KCNK10: variants seen among roughly 807,000 people sequenced by gnomAD.
The protein encoded by KCNK10 is potassium two pore domain channel subfamily K member 10.
In KCNK10, 25 loss-of-function variants were observed where a neutral mutation model predicts 47.7. The observed-to-expected ratio is 0.52, with a 90% CI of 0.38 to 0.73. KCNK10 has a LOEUF of 0.73. KCNK10 is among the 30% of genes least tolerant of loss of function. The probability of loss-of-function intolerance (pLI) is 0.00; values close to 1 mark genes in which losing one functional copy is unlikely to be tolerated. For missense variants in KCNK10, 563 were observed against 714.5 expected, an observed-to-expected ratio of 0.79 and a Z score of 2.42; for synonymous variants, 303 against 285.6, an observed-to-expected ratio of 1.06 and a Z score of -0.61.
intron 2 of KCNK10, among the ~76,000 whole-genome samples, chr14:88,245,243 T>C (rs1886597195): frequency 6.6e-6 from 1 of 152,172 alleles, no homozygotes; most frequent in Non-Finnish European, 1.5e-5. Context: ...ATAATAATGA[T>C]TTGTTTCTTT....
At chr14:88,239,403 T>C (rs1595098414) in intron 3 of KCNK10, among the ~76,000 whole-genome samples, 1 of 152,142 alleles carries the variant, frequency 6.6e-6, no homozygotes, top group Non-Finnish European at 1.5e-5. Flanking sequence ...GCAAATCATA[T>C]AAGAGAAACA....
intron 1 of KCNK10, among the ~76,000 whole-genome samples, chr14:88,282,692 C>T (rs1436621598): frequency 2.6e-5 from 4 of 152,128 alleles, no homozygotes; most frequent in Non-Finnish European, 4.4e-5. Flanking sequence ...TTTTTTATTC[C>T]TAGGAACCCT....
chr14:88,191,446 C>T (rs1884746392), intron 5 of KCNK10, among the ~76,000 whole-genome samples: 1 of 152,090 alleles, frequency 6.6e-6, no homozygotes, highest in Non-Finnish European at 1.5e-5. Context: ...AAACTGATCA[C>T]TTGTCTGAAC....
intron 1 of KCNK10, among the ~76,000 whole-genome samples, chr14:88,275,693 C>CTAAAAAAA (rs1887511956): frequency 1.4e-5 from 1 of 72,024 alleles, no homozygotes; most frequent in Admixed American, 1.8e-4. Flanking sequence ...GCTAAAAATA[C>CTAAAAAAA]AAAAAAAAAA....
At chr14:88,277,463 G>A (rs1334483904) in intron 1 of KCNK10, among the ~76,000 whole-genome samples, 1 of 152,210 alleles carries the variant, frequency 6.6e-6, no homozygotes, top group African/African-American at 2.4e-5. Flanking sequence ...AGTGGGCGCA[G>A]GTTAGAGGAA....
upstream of KCNK10, chr14:88,326,808 C>T (rs1352511410): frequency 1.1e-5 from 3 of 275,844 alleles, no homozygotes; most frequent in Non-Finnish European, 2.0e-5. Flanking sequence ...AAACCCCAGT[C>T]ATCTCTGGCA....
At position 88,250,117 on chromosome 14, in the gene KCNK10, G is replaced by C. The variant is rs137951931; in HGVS notation, c.403-9297C>G. Among the ~76,000 whole-genome samples the C allele has an allele frequency of 5.2e-4, 79 of 152,216 alleles. 1 individual carries two copies. The East Asian group carries it at 0.01, about 20-fold the overall frequency. On this transcript the variant is annotated intron_variant, in intron 2 of 6. Transcript: ENST00000319231. The stretch of plus-strand genomic sequence containing the variant: ...CTGGGTTTTGGTTTTATTTTTATGG[G>C]AGTTTTTTTAGAACATTGAATTCTC...
intron 1 of KCNK10, among the ~76,000 whole-genome samples, chr14:88,277,136 TCC>T (rs1887541612): frequency 6.6e-6 from 1 of 152,018 alleles, no homozygotes; most frequent in African/African-American, 2.4e-5. Flanking sequence ...CTCAGCCATC[TCC>T]ATTTGTCAGT....
chr14:88,295,730 T>C (rs1299942943), intron 1 of KCNK10, among the ~76,000 whole-genome samples: 1 of 152,096 alleles, frequency 6.6e-6, no homozygotes, highest in African/African-American at 2.4e-5. Flanking sequence ...GGTCAAAATC[T>C]AAAAGGAATT....
intron 1 of KCNK10, among the ~76,000 whole-genome samples, chr14:88,290,586 C>A (rs185538442): frequency 7.5e-4 from 114 of 152,308 alleles, no homozygotes; most frequent in African/African-American, 2.6e-3. Context: ...TCTACTCTTG[C>A]TCCAGTGTTA....
At chr14:88,301,875 G>A (rs1355983609) in intron 1 of KCNK10, among the ~76,000 whole-genome samples, 1 of 152,166 alleles carries the variant, frequency 6.6e-6, no homozygotes, top group Admixed American at 6.5e-5. Context: ...TAAGCTGCGG[G>A]TCAAGAGAAA....
intron 1 of KCNK10, among the ~76,000 whole-genome samples, chr14:88,275,272 C>G (rs764079102): frequency 4.0e-5 from 6 of 151,750 alleles, no homozygotes; most frequent in Non-Finnish European, 5.9e-5. Context: ...TCCTACTCTT[C>G]CCCGTGGCCA....
chr14:88,254,046 G>T (rs1286471262), intron 2 of KCNK10, among the ~76,000 whole-genome samples: 2 of 152,078 alleles, frequency 1.3e-5, no homozygotes, highest in Non-Finnish European at 2.9e-5. Context: ...CCCCCAAAAG[G>T]CTCATGCTCC....
chr14:88,244,848 G>A (rs866562897), intron 2 of KCNK10, among the ~76,000 whole-genome samples: 1 of 152,282 alleles, frequency 6.6e-6, no homozygotes, highest in South Asian at 2.1e-4. Context: ...GACTCAGTGA[G>A]CATCATTTGT....
intron 4 of KCNK10, among the ~76,000 whole-genome samples, chr14:88,209,865 G>A (rs1885399039): frequency 6.6e-6 from 1 of 152,128 alleles, no homozygotes; most frequent in African/African-American, 2.4e-5. Flanking sequence ...CACCTCCAAA[G>A]CACTTAGCAC....
intron 1 of KCNK10, among the ~76,000 whole-genome samples, chr14:88,270,066 G>A (rs1887364871): frequency 6.6e-6 from 1 of 152,128 alleles, no homozygotes; most frequent in Non-Finnish European, 1.5e-5. Flanking sequence ...TCCCGGGCAA[G>A]AGGGAAAGGA....
At chr14:88,258,734 C>T (rs1481334617) in intron 2 of KCNK10, among the ~76,000 whole-genome samples, 1 of 152,172 alleles carries the variant, frequency 6.6e-6, no homozygotes, top group Non-Finnish European at 1.5e-5. Flanking sequence ...ATAACAGCAA[C>T]CCATCTTTCT....
chr14:88,198,103 G>A (rs756289603), intron 4 of KCNK10, among the ~76,000 whole-genome samples: 29 of 152,168 alleles, frequency 1.9e-4, no homozygotes, highest in Middle Eastern at 3.2e-3. Context: ...CATTCTTGTA[G>A]CTCTGGCATG....
chr14:88,206,288 G>A (rs146550929), intron 4 of KCNK10, among the ~76,000 whole-genome samples: 3 of 152,274 alleles, frequency 2.0e-5, no homozygotes, highest in African/African-American at 4.8e-5. Flanking sequence ...GGAGGGGCAC[G>A]TTTGGCATGT....
Sources: gnomAD v4.1 joint callset for allele counts (sites outside exome capture counted in the v4.1 genomes callset) on GRCh38, gnomAD v4.1.1 for gene constraint, MANE v1.5 for transcripts, NCBI Gene and HGNC (gene_info 2026-07-23, HGNC 2026-07-21) for gene names.